Variants in NUP88 observed in about 807,000 individuals in gnomAD.
The protein encoded by NUP88 is nuclear pore complex protein Nup88.
NUP88 carries 57 observed loss-of-function variants against 93.9 expected under a neutral mutation model. The observed-to-expected ratio is 0.61, with a 90% CI of 0.49 to 0.76. The LOEUF is 0.76. Among genes scored for constraint, NUP88 ranks in the 30% least tolerant of loss-of-function variants. The pLI, the probability that NUP88 is intolerant of heterozygous loss-of-function variation, is 0.00. For missense variants in NUP88, 911 were observed against 901.0 expected (o/e 1.01, Z -0.14); for synonymous variants, 346 against 336.8 (o/e 1.03, Z -0.30).
intron 1 of NUP88, among the ~76,000 whole-genome samples, chr17:5,418,909 A>T (rs1214463169): frequency 2.0e-5 from 3 of 152,182 alleles, no homozygotes; most frequent in Non-Finnish European, 4.4e-5. Flanking sequence ...CGGGGGTAAG[A>T]ATTAACAGAG....
chr17:5,391,489 T>G lies in NUP88; in HGVS notation c.1484+72A>C, dbSNP rs1597315722. ...ACATGTATAGCTTCAAGTTGGTTAC[T>G]GAGTGCATTTTCCCAACTTAGATAT... is the stretch of plus-strand genomic sequence containing the variant. On this transcript the variant is annotated intron_variant, in intron 10 of 16. Coordinates refer to ENST00000573584, the MANE Select transcript of NUP88 (RefSeq NM_002532.6). 4.1e-6 allele frequency: 5 copies of G among 1,228,802 alleles called. No individual in the cohort carries two copies. The East Asian group carries it at 7.1e-5, about 17-fold the overall frequency. The allele number at this position is 1,228,802 out of a possible 1,614,324, so 76.1% of individuals were successfully genotyped here.
chr17:5,390,759 A>G (rs1912367625), intron 10 of NUP88, among the ~76,000 whole-genome samples: 1 of 152,006 alleles, frequency 6.6e-6, no homozygotes, highest in African/African-American at 2.4e-5. Context: ...GCTGTAGTGC[A>G]GTGGCATGAT....
intron 9 of NUP88, among the ~76,000 whole-genome samples, chr17:5,393,688 G>A (rs1471908055): frequency 4.0e-5 from 6 of 151,404 alleles, no homozygotes; most frequent in East Asian, 2.0e-4. Flanking sequence ...CACCCACCTC[G>A]ATCTCCCAAA....
In NUP88 at chr17:5,419,660, A is replaced by G; in HGVS notation, c.-10T>C. On this transcript the variant is annotated 5_prime_UTR_variant, in exon 1 of 17. Transcript: ENST00000573584. ...CCTCGGCGGCCGCCATCTTGGCCCA[A>G]CTGCTCCCCTCACTCCAGTTGCTCA... The G allele has an allele frequency of 6.3e-7, 1 of 1,576,594 alleles. No individual in the cohort carries two copies. The highest frequency in any genetic ancestry group is 8.6e-7 in the Non-Finnish European group (1 of 1,161,550).
chr17:5,400,517 A>AAC (rs1181855010), intron 7 of NUP88, among the ~76,000 whole-genome samples: 1 of 151,338 alleles, frequency 6.6e-6, no homozygotes, highest in African/African-American at 2.4e-5. Flanking sequence ...AAAAAAAAAA[A>AAC]CTCAATCCAA....
At chr17:5,393,441 T>C (rs1912572505) in intron 9 of NUP88, among the ~76,000 whole-genome samples, 1 of 142,682 alleles carries the variant, frequency 7.0e-6, no homozygotes, top group Non-Finnish European at 1.5e-5. Context: ...TTTTCTTTTT[T>C]TTTTTTTTTT....
chr17:5,415,309 C>T (rs1021989681), intron 2 of NUP88, among the ~76,000 whole-genome samples: 2 of 152,096 alleles, frequency 1.3e-5, no homozygotes, highest in Admixed American at 6.5e-5. Flanking sequence ...TGTGAGCCAT[C>T]GTGCCTGGCT....
At chr17:5,391,867 C>A (rs989805084) in intron 9 of NUP88, among the ~76,000 whole-genome samples, 1 of 152,196 alleles carries the variant, frequency 6.6e-6, no homozygotes, top group African/African-American at 2.4e-5. Context: ...CTAAGTCACT[C>A]AGGAATCCCT....
At chr17:5,409,530 C>CA (rs1220356682) in intron 4 of NUP88, among the ~76,000 whole-genome samples, 1 of 151,844 alleles carries the variant, frequency 6.6e-6, no homozygotes, top group Non-Finnish European at 1.5e-5. Context: ...AAAAAGGAAA[C>CA]AGGAAAACAC....
At chr17:5,411,841 A>G (rs1033599665) in intron 3 of NUP88, among the ~76,000 whole-genome samples, 7 of 152,216 alleles carry the variant, frequency 4.6e-5, no homozygotes, top group African/African-American at 1.7e-4. Flanking sequence ...CAATATCAAT[A>G]AAATGCCACA....
intron 15 of NUP88, 58 bp downstream of exon 15, chr17:5,386,926 G>A: frequency 3.1e-6 from 5 of 1,599,710 alleles, no homozygotes; most frequent in Non-Finnish European, 4.3e-6. Context: ...AAAATTTTCT[G>A]TAGAATAAGT....
At chr17:5,387,557 G>A (rs570457975) in intron 13 of NUP88, 48 bp downstream of exon 13, 2 of 1,595,462 alleles carry the variant, frequency 1.3e-6, no homozygotes, top group South Asian at 2.2e-5. Context: ...TGAGAATATG[G>A]TTCCAGTCTT....
At chr17:5,408,358 T>C (rs1357017555) in intron 5 of NUP88, among the ~76,000 whole-genome samples, 1 of 152,210 alleles carries the variant, frequency 6.6e-6, no homozygotes, top group African/African-American at 2.4e-5. Flanking sequence ...GTGGTATGGA[T>C]AGTATTTTTT....
intron 3 of NUP88, among the ~76,000 whole-genome samples, chr17:5,413,352 T>C (rs1597330475): frequency 6.6e-6 from 1 of 152,208 alleles, no homozygotes; most frequent in African/African-American, 2.4e-5. Context: ...AAGACATCAT[T>C]AAGGGGTGAG....
At chr17:5,407,811 GT>G (rs1478697750) in intron 5 of NUP88, among the ~76,000 whole-genome samples, 1 of 152,000 alleles carries the variant, frequency 6.6e-6, no homozygotes, top group Non-Finnish European at 1.5e-5. Context: ...TCCTTCCTTT[GT>G]TGTTATCTAC....
At position 5,419,353 on chromosome 17, in the gene NUP88, C is replaced by T. The variant is rs1263372760; in HGVS notation, c.297+1G>A. On this transcript the variant is annotated splice_donor_variant, in intron 1 of 16. Transcript: ENST00000573584. LOFTEE classifies it high-confidence loss of function. The stretch of plus-strand genomic sequence containing the variant: ...CACTTCCAAGATCGGCCTGGCATTA[C>T]CTGGTACTGGGACAGGGCGGGCTCT... 5.1e-6 allele frequency: 8 copies of T among 1,568,976 alleles called. No homozygotes were observed. The highest frequency in any genetic ancestry group is 6.9e-6 in the Non-Finnish European group (8 of 1,158,812).
intron 7 of NUP88, among the ~76,000 whole-genome samples, chr17:5,403,069 G>A (rs375709172): frequency 3.2e-4 from 49 of 152,288 alleles, no homozygotes; most frequent in Middle Eastern, 3.4e-3. Context: ...GGCCAGGTGC[G>A]CGGTGGCTCA....
chr17:5,418,215 T>C (rs1175599090), intron 1 of NUP88: 1 of 152,052 alleles, frequency 6.6e-6, no homozygotes, highest in African/African-American at 2.4e-5. Flanking sequence ...TACACAGCAG[T>C]ATAGAATGTT....
chr17:5,419,604 G>T lies in NUP88; in HGVS notation c.47C>A (p.Thr16Asn). The change falls in exon 1 of 17, where the codon ACC (threonine) becomes AAC (asparagine). Residue 16 changes from threonine (T) to asparagine (N), a missense_variant. Transcript: ENST00000573584. ...GAACACGACGTGGTTAGGAAGCCAG[G>T]TCTGCCACAGCTCGCCGTCGCCCAC... ...GPVGDGELWQ[T>N]WLPNHVVFLR... 1 of 1,601,892 alleles carries T rather than the reference G, an allele frequency of 6.2e-7. No individual in the cohort carries two copies. Among genetic ancestry groups the T allele is most frequent in the Non-Finnish European group, 8.5e-7 (1 of 1,172,484 alleles).
Sources: allele counts gnomAD v4.1 joint callset (sites outside exome capture counted in the v4.1 genomes callset), GRCh38; gene constraint gnomAD v4.1.1; transcripts MANE v1.5; gene names NCBI Gene and HGNC (gene_info 2026-07-23, HGNC 2026-07-21).